The following CDC14A variants were observed in gnomAD, a reference collection of about 807,000 sequenced individuals.
CDC14A encodes cell division cycle 14A.
In CDC14A, 53 loss-of-function variants were observed where a neutral mutation model predicts 74.4. The observed-to-expected ratio is 0.71, with a 90% CI of 0.57 to 0.89. CDC14A has a LOEUF of 0.89. Among genes scored for constraint, CDC14A ranks in the 40% least tolerant of loss-of-function variants. The pLI is 0.00. For missense variants in CDC14A, 646 were observed against 713.7 expected (o/e 0.91, Z 1.08); for synonymous variants, 247 against 258.4 (o/e 0.96, Z 0.43).
chr1:100,351,402 T>C (rs1650975543), upstream of CDC14A, among the ~76,000 whole-genome samples: 1 of 152,166 alleles, frequency 6.6e-6, no homozygotes, highest in African/African-American at 2.4e-5. Context: ...AGTCGGTCTG[T>C]AGCGCCATTT....
chr1:100,357,702 AG>A (rs1398425820), intron 2 of CDC14A, among the ~76,000 whole-genome samples: 1 of 151,080 alleles, frequency 6.6e-6, no homozygotes, highest in Non-Finnish European at 1.5e-5. Flanking sequence ...TGAACTGAAA[AG>A]CCAGCCTGCC....
At chr1:100,416,935 C>T (rs1167067342) in intron 4 of CDC14A, among the ~76,000 whole-genome samples, 2 of 151,814 alleles carry the variant, frequency 1.3e-5, no homozygotes, top group African/African-American at 2.4e-5. Context: ...TCGTATAAAA[C>T]GCCCACTATT....
chr1:100,504,961 T>A, intron 15 of CDC14A: 1 of 1,504,488 alleles, frequency 6.6e-7, no homozygotes, highest in Non-Finnish European at 8.9e-7. Flanking sequence ...ACCCTATAAT[T>A]AATACTTTAT....
At chr1:100,448,677 A>G (rs1223871270) in intron 7 of CDC14A, among the ~76,000 whole-genome samples, 1 of 152,240 alleles carries the variant, frequency 6.6e-6, no homozygotes, top group Non-Finnish European at 1.5e-5. Context: ...TTACAGAAAT[A>G]ATGATGTGCA....
intron 2 of CDC14A, among the ~76,000 whole-genome samples, chr1:100,376,065 G>A (rs1410149463): frequency 3.9e-5 from 6 of 152,130 alleles, no homozygotes; most frequent in Non-Finnish European, 7.4e-5. Context: ...ATCAAACACC[G>A]CATGTTCTCA....
At position 100,352,944 on chromosome 1, in the gene CDC14A, T is replaced by C; in HGVS notation, c.-11T>C. The C allele has an allele frequency of 6.2e-7, 1 of 1,613,852 alleles. No homozygotes were observed. The highest frequency in any genetic ancestry group is 1.7e-5 in the Admixed American group (1 of 60,028). The stretch of plus-strand genomic sequence containing the variant: ...ACGACCCAGCCCTCCCCCGTGCGTA[T>C]CTCGCTTAAGATGGCAGCGGAGTCA... On this transcript the variant is annotated 5_prime_UTR_variant, in exon 1 of 16. Transcript: ENST00000336454.
chr1:100,426,836 A>G (rs1663021077), intron 5 of CDC14A, among the ~76,000 whole-genome samples: 1 of 152,202 alleles, frequency 6.6e-6, no homozygotes, highest in Non-Finnish European at 1.5e-5. Flanking sequence ...CAAGAGTTGT[A>G]TTTACATTAA....
intron 2 of CDC14A, among the ~76,000 whole-genome samples, chr1:100,360,967 G>A (rs1365570870): frequency 6.6e-6 from 1 of 152,070 alleles, no homozygotes; most frequent in Non-Finnish European, 1.5e-5. Flanking sequence ...GGTCACCACA[G>A]GGCGGCTTCA....
intron 4 of CDC14A, chr1:100,392,954 G>A (rs1657917153): frequency 8.7e-6 from 8 of 920,004 alleles, no homozygotes; most frequent in South Asian, 8.2e-5. Flanking sequence ...TTGGGAAGTT[G>A]CTGTTGTCCT....
At chr1:100,406,693 G>A (rs1271067682) in intron 4 of CDC14A, among the ~76,000 whole-genome samples, 1 of 152,088 alleles carries the variant, frequency 6.6e-6, no homozygotes, top group African/African-American at 2.4e-5. Flanking sequence ...GGAGGCAGAG[G>A]TGGATGGATC....
At position 100,429,159 on chromosome 1, in the gene CDC14A, G is replaced by A. The variant is rs190826791; in HGVS notation, c.389+4858G>A. On this transcript the variant is annotated intron_variant, in intron 5 of 15. Transcript: ENST00000336454. The stretch of plus-strand genomic sequence containing the variant: ...GCAGAGGTTGTGGTGAGCCAAGATC[G>A]CGCCACTGCACTCCAGCCTGGGCAA... Among the ~76,000 whole-genome samples, 521 of 150,092 alleles carry A rather than the reference G, an allele frequency of 3.5e-3. 6 individuals are homozygous for A. The highest frequency in any genetic ancestry group is 0.012 in the African/African-American group (493 of 40,678).
At chr1:100,427,179 T>C (rs1452757925) in intron 5 of CDC14A, among the ~76,000 whole-genome samples, 1 of 152,168 alleles carries the variant, frequency 6.6e-6, no homozygotes, top group Non-Finnish European at 1.5e-5. Flanking sequence ...TTTGTCTTCA[T>C]TGTCTAGATT....
At chr1:100,411,236 G>A (rs1301143538) in intron 4 of CDC14A, among the ~76,000 whole-genome samples, 3 of 152,024 alleles carry the variant, frequency 2.0e-5, no homozygotes, top group African/African-American at 4.8e-5. Flanking sequence ...AGCTTACTTC[G>A]ACACCCATAG....
At chr1:100,386,395 A>G (rs1371436547) in intron 3 of CDC14A, among the ~76,000 whole-genome samples, 1 of 152,210 alleles carries the variant, frequency 6.6e-6, no homozygotes, top group Non-Finnish European at 1.5e-5. Context: ...TTGCTATGGC[A>G]TACAGTGTTT....
intron 2 of CDC14A, among the ~76,000 whole-genome samples, chr1:100,375,332 G>A (rs1655088021): frequency 5.3e-5 from 8 of 152,220 alleles, no homozygotes; most frequent in Admixed American, 5.2e-4. Flanking sequence ...GGAATGTTGT[G>A]TAAGGCTTTG....
At chr1:100,472,530 T>A (rs1668492557) in intron 10 of CDC14A, among the ~76,000 whole-genome samples, 1 of 152,298 alleles carries the variant, frequency 6.6e-6, no homozygotes, top group South Asian at 2.1e-4. Flanking sequence ...GTCTATAACT[T>A]GTCTTTTCAT....
chr1:100,403,042 G>A (rs1659481834), intron 4 of CDC14A, among the ~76,000 whole-genome samples: 1 of 152,206 alleles, frequency 6.6e-6, no homozygotes, highest in Non-Finnish European at 1.5e-5. Context: ...CCATGGATGT[G>A]TTGGGGTAGG....
intron 4 of CDC14A, among the ~76,000 whole-genome samples, chr1:100,420,063 C>CACACACACATATATAT: frequency 1.3e-4 from 8 of 61,598 alleles, no homozygotes; most frequent in East Asian, 5.4e-4. Context: ...CACACACACA[C>CACACACACATATATAT]ATATATATAT....
chr1:100,419,445 A>G (rs542450152), intron 4 of CDC14A, among the ~76,000 whole-genome samples: 2 of 152,218 alleles, frequency 1.3e-5, no homozygotes, highest in African/African-American at 4.8e-5. Flanking sequence ...TTTTCTTCTT[A>G]TATCTGCCCA....
Sources: allele counts gnomAD v4.1 joint callset (sites outside exome capture counted in the v4.1 genomes callset), GRCh38; gene constraint gnomAD v4.1.1; transcripts MANE v1.5; gene names NCBI Gene and HGNC (gene_info 2026-07-23, HGNC 2026-07-21).